CSMD2: variants seen among roughly 807,000 people sequenced by gnomAD.
CSMD2 encodes CUB and Sushi multiple domains 2.
In CSMD2, 130 loss-of-function variants were observed where a neutral mutation model predicts 398.5. The ratio of observed to expected loss-of-function variants is 0.33; its 90% CI spans 0.28 to 0.38. CSMD2 has a LOEUF of 0.38. CSMD2 is among the 10% of genes least tolerant of loss of function. CSMD2 has a pLI of 1.00. For synonymous variants in CSMD2, 1,828 were observed against 1,908.5 expected (o/e 0.96, Z 1.10); for missense variants, 3,829 against 4,764.9 (o/e 0.80, Z 5.78).
intron 64 of CSMD2, among the ~76,000 whole-genome samples, chr1:33,530,165 G>A (rs972969558): frequency 3.3e-5 from 5 of 152,128 alleles, no homozygotes; most frequent in South Asian, 2.1e-4. Flanking sequence ...CTGTGGAATG[G>A]GAGAAATTGT....
intron 12 of CSMD2, among the ~76,000 whole-genome samples, chr1:33,783,375 C>T (rs546421909): frequency 6.6e-6 from 1 of 151,554 alleles, no homozygotes; most frequent in South Asian, 2.1e-4. Flanking sequence ...AAGGGCAGGG[C>T]CCCGATCTGA....
Position 33,976,080 on chromosome 1 carries a change from C to T in CSMD2, c.518-40126G>A, listed in dbSNP as rs181376191. ...AACTTGCTGATCATTCCCAACCCTTCGATGCTGAGCCAAGGGACCCGGGTT... is the reference window on the plus strand; with the variant it reads ...AACTTGCTGATCATTCCCAACCCTTTGATGCTGAGCCAAGGGACCCGGGTT... On this transcript the variant is annotated intron_variant, in intron 3 of 70. Transcript: ENST00000373381. Among the ~76,000 whole-genome samples the T allele has an allele frequency of 5.3e-5, 8 of 152,286 alleles. No homozygotes were observed. In the East Asian group the frequency reaches 5.8e-4, roughly 11 times the overall value.
rs998586997 is a variant in CSMD2 at position 33,874,339 on chromosome 1, A to C, written c.921-27343T>G. The stretch of plus-strand genomic sequence containing the variant: ...ATTATTTTACTTAAGAAAAACATTC[A>C]ATGAGAGCGGTACTTTAAACACCCC... On this transcript the variant is annotated intron_variant, in intron 5 of 70. Transcript: ENST00000373381. 6.6e-5 allele frequency among the ~76,000 whole-genome samples: 10 copies of C among 152,236 alleles called. 1 individual carries two copies. The highest frequency in any genetic ancestry group is 1.5e-5 in the Non-Finnish European group (1 of 68,046).
At chr1:33,962,060 C>T (rs1449159737) in intron 3 of CSMD2, among the ~76,000 whole-genome samples, 1 of 152,132 alleles carries the variant, frequency 6.6e-6, no homozygotes, top group African/African-American at 2.4e-5. Context: ...ATAAATGGTA[C>T]ACTAGCTGTT....
intron 1 of CSMD2, among the ~76,000 whole-genome samples, chr1:34,100,282 T>C (rs1311176509): frequency 6.6e-6 from 1 of 152,066 alleles, no homozygotes. Context: ...CCCCACCCAA[T>C]CCAAAATTAC....
At chr1:33,616,103 A>G (rs1641366501) in intron 39 of CSMD2, among the ~76,000 whole-genome samples, 1 of 152,228 alleles carries the variant, frequency 6.6e-6, no homozygotes, top group Non-Finnish European at 1.5e-5. Context: ...TAACTGGACC[A>G]GAAGCTTCTG....
intron 5 of CSMD2, among the ~76,000 whole-genome samples, chr1:33,888,454 G>A (rs1183653889): frequency 6.6e-6 from 1 of 152,114 alleles, no homozygotes; most frequent in Non-Finnish European, 1.5e-5. Context: ...AAGTCCAGTT[G>A]TAGAACCATG....
At chr1:33,628,685 A>AT (rs1642278004) in intron 32 of CSMD2, among the ~76,000 whole-genome samples, 1 of 152,014 alleles carries the variant, frequency 6.6e-6, no homozygotes, top group African/African-American at 2.4e-5. Context: ...AAAAAAAAAA[A>AT]AAATCATTTA....
intron 3 of CSMD2, among the ~76,000 whole-genome samples, chr1:33,977,944 C>T (rs907342393): frequency 2.6e-5 from 4 of 151,384 alleles, no homozygotes; most frequent in Admixed American, 6.6e-5. Context: ...GGGGCTGACA[C>T]GATTCACAAT....
chr1:33,533,535 G>C lies in CSMD2; in HGVS notation c.9991+261C>G, dbSNP rs570916233. On this transcript the variant is annotated intron_variant, in intron 63 of 70. Coordinates refer to ENST00000373381, the MANE Select transcript of CSMD2 (RefSeq NM_001281956.2). The surrounding 1 kb of genome is among the most constrained non-coding windows in gnomAD (Gnocchi z 4.2). ...GCTTGATATCTCCATCCTGAGGCCT[G>C]GCCTTGCAGTTGTTAGTTTTTGCTG... Among the ~76,000 whole-genome samples the C allele has an allele frequency of 6.6e-6, 1 of 152,046 alleles. No individual in the cohort carries two copies. Among genetic ancestry groups the C allele is most frequent in the East Asian group, 1.9e-4 (1 of 5,160 alleles).
At chr1:33,706,817 T>A (rs896325317) in intron 22 of CSMD2, among the ~76,000 whole-genome samples, 3 of 151,648 alleles carry the variant, frequency 2.0e-5, no homozygotes, top group Non-Finnish European at 4.4e-5. Context: ...CATGTGTTTG[T>A]GCGTGCGTGT....
At chr1:33,567,499 A>ATATAT (rs1284357279) in intron 53 of CSMD2, 94 bp downstream of exon 53, 13 of 1,014,184 alleles carry the variant, frequency 1.3e-5, no homozygotes, top group East Asian at 2.8e-5. Context: ...ATATATATTT[A>ATATAT]AAACAAACCT....
chr1:33,598,974 T>A (rs1640025144), intron 44 of CSMD2: 1 of 152,300 alleles, frequency 6.6e-6, no homozygotes, highest in Non-Finnish European at 1.5e-5. Context: ...AAGGCTTCAG[T>A]GTGGTGATTC....
intron 53 of CSMD2, among the ~76,000 whole-genome samples, chr1:33,566,590 T>C (rs776253503): frequency 7.2e-5 from 11 of 152,100 alleles, no homozygotes; most frequent in Admixed American, 3.9e-4. Flanking sequence ...AAGGCTAAAA[T>C]AGAATGGTCA....
intron 1 of CSMD2, among the ~76,000 whole-genome samples, chr1:34,098,030 T>C (rs200296963): frequency 1.2e-3 from 97 of 81,478 alleles, no homozygotes; most frequent in East Asian, 3.5e-3. Context: ...CCAACAATGA[T>C]AGACTGGATT....
intron 27 of CSMD2, 31 bp downstream of exon 27, chr1:33,657,915 G>A: frequency 6.3e-7 from 1 of 1,585,256 alleles, no homozygotes; most frequent in Non-Finnish European, 8.6e-7. Context: ...TGAGCCCCAA[G>A]AGCAGAGTGC....
chr1:33,624,976 C>A lies in CSMD2; in HGVS notation c.5500+75G>T. The A allele has an allele frequency of 6.9e-7, 1 of 1,453,364 alleles. No individual in the cohort carries two copies. 90.0% of individuals were successfully genotyped at this position (1,453,364 alleles called of 1,614,324 possible). A position where few individuals can be genotyped will look rare whatever the true frequency, so the allele number is the denominator to read the frequency against. On this transcript the variant is annotated intron_variant, in intron 34 of 70. Transcript: ENST00000373381. The surrounding 1 kb of genome is among the most constrained non-coding windows in gnomAD (Gnocchi z 4.7). ...TGTGTGTCGTGGGGCATCACTGGGG[C>A]TGACTGCCTCCCCTACAGAGAAAGG... is the stretch of plus-strand genomic sequence containing the variant.
At chr1:33,832,114 G>T (rs1402138272) in intron 6 of CSMD2, among the ~76,000 whole-genome samples, 3 of 127,096 alleles carry the variant, frequency 2.4e-5, no homozygotes, top group Non-Finnish European at 4.8e-5. Context: ...GAGACAGAAA[G>T]TTAACAAGGA....
At chr1:33,793,432 A>T (rs1442662006) in intron 10 of CSMD2, among the ~76,000 whole-genome samples, 1 of 152,142 alleles carries the variant, frequency 6.6e-6, no homozygotes, top group Non-Finnish European at 1.5e-5. Flanking sequence ...TTGCTAGCAG[A>T]TCTACAAACT....
Sources: allele counts gnomAD v4.1 joint callset (sites outside exome capture counted in the v4.1 genomes callset), GRCh38; gene constraint gnomAD v4.1.1; non-coding constraint Gnocchi (gnomAD v3.1); transcripts MANE v1.5; gene names NCBI Gene and HGNC (gene_info 2026-07-23, HGNC 2026-07-21).